VWF: variants seen among roughly 807,000 people sequenced by gnomAD.
The protein encoded by VWF is von Willebrand factor, also known as Factor VIII related antigen.
A neutral mutation model predicts 308.6 loss-of-function variants in VWF; 176 were observed. The observed-to-expected ratio is 0.57, with a 90% CI of 0.50 to 0.65. The LOEUF is 0.65. Ranked by LOEUF, VWF falls within the 30% of genes least tolerant of loss-of-function variation. The pLI, the probability that VWF is intolerant of heterozygous loss-of-function variation, is 0.00. For synonymous variants in VWF, 1,385 were observed against 1,443.4 expected (o/e 0.96, Z 0.92); for missense variants, 3,146 against 3,648.2 (o/e 0.86, Z 3.55).
Position 5,983,167 on chromosome 12 carries a change from C to A in VWF, c.7064G>T (p.Arg2355Ile). ...QPTLTNPGEC[R>I]PNFTCACRKE... ...GGCCTTACCGCAGGTGAAGTTGGGT[C>A]TGCACTCGCCAGGGTTGGTCAGTGT... Residue 2355 changes from arginine to isoleucine, a missense_variant, in exon 41 of 52, where the codon AGA becomes ATA. Arg to Ile is a moderately conservative substitution (Grantham distance 97). Transcript: ENST00000261405. 6.2e-7 allele frequency: 1 copy of A among 1,613,958 alleles called. No individual in the cohort carries two copies. The highest frequency in any genetic ancestry group is 1.1e-5 in the South Asian group (1 of 90,988).
intron 34 of VWF, among the ~76,000 whole-genome samples, chr12:6,008,427 T>G (rs1943955098): frequency 6.6e-6 from 1 of 152,146 alleles, no homozygotes; most frequent in Non-Finnish European, 1.5e-5. Flanking sequence ...AATCATACTA[T>G]CATGTCAACA....
rs61908662 is a variant in VWF, at chr12:6,063,615, G to A, written c.1433-561C>T. On this transcript the variant is annotated intron_variant, in intron 12 of 51. Coordinates refer to ENST00000261405, the MANE Select transcript of VWF (RefSeq NM_000552.5). This position sits in a 1 kb window ranked among gnomAD's most constrained non-coding sequence, Gnocchi z 4.9. ...GGTACCCACTAGCCCAAGTTCATCC[G>A]CTGTGTGCAATGCTAGGATAATGGG... is the stretch of plus-strand genomic sequence containing the variant. Among the ~76,000 whole-genome samples, 5,612 of 152,276 alleles carry A rather than the reference G, an allele frequency of 0.037. 142 individuals carry two copies. Among genetic ancestry groups the A allele is most frequent in the Non-Finnish European group, 0.06 (4,055 of 68,016 alleles).
Position 6,058,033 on chromosome 12 carries a change from G to C in VWF, c.1545C>G (p.Val515=). The change falls in exon 14 of 52, where the codon GTC becomes GTG. Residue 515 remains valine, a synonymous_variant. Coordinates refer to ENST00000261405, the MANE Select transcript of VWF (RefSeq NM_000552.5). This position sits in a 1 kb window ranked among gnomAD's most constrained non-coding sequence, Gnocchi z 4.9. ...ACAGGCCGCAGGTCTTCCCGGCATA[G>C]ACGGGGGACAGCTGCAGGAGAGACC... is the stretch of plus-strand genomic sequence containing the variant. ...RGRLLVKLSP[V]YAGKTCGLCG... 1 of 1,613,148 alleles carries C rather than the reference G, an allele frequency of 6.2e-7. No individual in the cohort carries two copies. The highest frequency in any genetic ancestry group is 2.2e-5 in the East Asian group (1 of 44,876).
chr12:5,952,243 G>T (rs1943199954), intron 49 of VWF, 148 bp downstream of exon 49: 2 of 1,186,920 alleles, frequency 1.7e-6, no homozygotes, highest in Non-Finnish European at 2.5e-6. Context: ...CGTAGGCTTT[G>T]ATTTCGTAAT....
chr12:5,978,005 T>C (rs1397648557), intron 42 of VWF, among the ~76,000 whole-genome samples: 4 of 149,202 alleles, frequency 2.7e-5, no homozygotes, highest in South Asian at 4.2e-4. Context: ...GGGTTTAAAA[T>C]CATTTAAGTG....
At chr12:5,981,240 T>TAAA (rs1179882457) in intron 42 of VWF, among the ~76,000 whole-genome samples, 2 of 151,892 alleles carry the variant, frequency 1.3e-5, no homozygotes, top group African/African-American at 2.4e-5. Flanking sequence ...AACTATTAAC[T>TAAA]GCTCGTAGCC....
intron 30 of VWF, 41 bp from the exon 31 acceptor site, chr12:6,016,273 G>A: frequency 1.2e-6 from 2 of 1,614,100 alleles, no homozygotes; most frequent in Middle Eastern, 3.3e-4. Flanking sequence ...AGTACTGACT[G>A]CGGCTCGACA....
chr12:6,009,459 A>T (rs1591856708), intron 34 of VWF, among the ~76,000 whole-genome samples: 1 of 147,334 alleles, frequency 6.8e-6, no homozygotes, highest in East Asian at 2.0e-4. Context: ...ACACACACAC[A>T]CACACCAGGA....
Position 6,013,511 on chromosome 12 carries a change from C to A in VWF, c.5590G>T (p.Gly1864Cys). Residue 1864 changes from glycine (G) to cysteine (C), a missense_variant, in exon 32 of 52, where the codon GGC (glycine) becomes TGC (cysteine). This residue lies in a region of VWF where 853 missense variants were observed against 1,177.8 expected (regional missense o/e 0.72). Coordinates refer to ENST00000261405, the MANE Select transcript of VWF (RefSeq NM_000552.5). ...CACAGTTTGTGGAGGAAGGAATTGC[C>A]CAAGGTGACCATGGTAGGGAGGTCT... The part of the protein sequence containing the change: ...IEDLPTMVTL[G>C]NSFLHKLCSG... 1 of 1,614,050 alleles carries A rather than the reference C, an allele frequency of 6.2e-7. No individual in the cohort carries two copies.
intron 43 of VWF, 152 bp downstream of exon 43, chr12:5,975,959 T>C: frequency 8.8e-7 from 1 of 1,135,544 alleles, no homozygotes; most frequent in Non-Finnish European, 1.3e-6. Flanking sequence ...GAGCTTGCAG[T>C]GAGCCGAGAT....
rs768694992 is a variant in VWF, at chr12:5,985,621, G to A, written c.6843C>T (p.Cys2281=). The A allele has an allele frequency of 1.5e-5, 25 of 1,614,198 alleles. 1 individual carries two copies. The South Asian group carries it at 2.4e-4, about 16-fold the overall frequency. The change falls in exon 39 of 52, where the codon TGC becomes TGT. Residue 2281 remains cysteine (C), a synonymous_variant. Coordinates refer to ENST00000261405, the MANE Select transcript of VWF (RefSeq NM_000552.5). ...WVPDHQPCQI[C]TCLSGRKVNC... ...TGACCTTCCGCCCGCTGAGGCATGT[G>A]CAGATCTGACAGGGCTGGTGGTCCG...
At chr12:6,101,543 G>A (rs776429511) in intron 5 of VWF, among the ~76,000 whole-genome samples, 5 of 150,840 alleles carry the variant, frequency 3.3e-5, no homozygotes, top group African/African-American at 4.9e-5. Context: ...TTGGGAGGCC[G>A]AGGAGGGCAG....
At chr12:6,066,941 C>T (rs1476184875) in intron 10 of VWF, among the ~76,000 whole-genome samples, 1 of 152,236 alleles carries the variant, frequency 6.6e-6, no homozygotes, top group Non-Finnish European at 1.5e-5. Flanking sequence ...GTACACATCC[C>T]TCTGCCTGGT....
At chr12:6,076,009 G>A (rs1169411575) in intron 6 of VWF, among the ~76,000 whole-genome samples, 3 of 152,308 alleles carry the variant, frequency 2.0e-5, no homozygotes, top group Admixed American at 6.5e-5. Context: ...GCTTTATAGA[G>A]ATTTCTGGGT....
intron 14 of VWF, among the ~76,000 whole-genome samples, chr12:6,057,311 ATTT>A (rs1250165048): frequency 7.7e-6 from 1 of 129,420 alleles, no homozygotes; most frequent in Admixed American, 7.6e-5. Flanking sequence ...GGACTATGGA[ATTT>A]TTTTTTTTTT....
rs534202583 is a variant in VWF at position 5,982,179 on chromosome 12, A to G, written c.7082-188T>C. ...AGTCCATCTGCAGAAAAATATGAAC[A>G]TTAATCAAAAAGGGAAATGTGAAGC... On this transcript the variant is annotated intron_variant, in intron 41 of 51. Coordinates refer to ENST00000261405, the MANE Select transcript of VWF (RefSeq NM_000552.5). Among the ~76,000 whole-genome samples the G allele has an allele frequency of 2.3e-3, 349 of 152,322 alleles. 1 individual carries two copies. The highest frequency in any genetic ancestry group is 7.8e-3 in the African/African-American group (323 of 41,568).
intron 6 of VWF, among the ~76,000 whole-genome samples, chr12:6,094,467 G>C (rs570367391): frequency 9.9e-4 from 151 of 152,322 alleles, no homozygotes; most frequent in African/African-American, 3.5e-3. Context: ...ACACCTAGCA[G>C]GTGATGATGG....
chr12:5,995,934 C>T lies in VWF; in HGVS notation c.6063+68G>A, dbSNP rs1454468949. The T allele has an allele frequency of 2.7e-6, 4 of 1,498,756 alleles. No homozygotes were observed. In the African/African-American group the frequency reaches 5.5e-5, roughly 21 times the overall value. 92.8% of individuals were successfully genotyped at this position (1,498,756 alleles called of 1,614,324 possible). A position where few individuals can be genotyped will look rare whatever the true frequency, so the allele number is the denominator to read the frequency against. ...AAGAGCATCAACTAAAAGCAACTGC[C>T]ACCAGGTCCAGGTGGTTTTCCTGAC... On this transcript the variant is annotated intron_variant, in intron 35 of 51. Coordinates refer to ENST00000261405, the MANE Select transcript of VWF (RefSeq NM_000552.5).
intron 38 of VWF, among the ~76,000 whole-genome samples, chr12:5,989,129 C>T (rs769325847): frequency 1.4e-4 from 22 of 152,136 alleles, no homozygotes; most frequent in Non-Finnish European, 1.0e-4. Context: ...TTGTGCCTGT[C>T]ACTACAGCAC....
Sources: allele counts gnomAD v4.1 joint callset (sites outside exome capture counted in the v4.1 genomes callset), GRCh38; gene constraint gnomAD v4.1.1; regional missense constraint gnomAD v4.1.1; non-coding constraint Gnocchi (gnomAD v3.1); transcripts MANE v1.5; gene names NCBI Gene and HGNC (gene_info 2026-07-23, HGNC 2026-07-21).